ASTN1: variants seen among roughly 807,000 people sequenced by gnomAD.
ASTN1 encodes astrotactin-1.
In ASTN1, 41 loss-of-function variants were observed where a neutral mutation model predicts 140.7. That is an observed-to-expected ratio of 0.29 (90% CI 0.23 to 0.38). ASTN1 has a LOEUF of 0.38. Ranked by LOEUF, ASTN1 falls within the 10% of genes least tolerant of loss-of-function variation. The pLI, the probability that ASTN1 is intolerant of heterozygous loss-of-function variation, is 1.00. For synonymous variants in ASTN1, 640 were observed against 652.2 expected (o/e 0.98, Z 0.29); for missense variants, 1,479 against 1,678.8 (o/e 0.88, Z 2.08).
At chr1:176,978,629 G>A (rs1673470705) in intron 8 of ASTN1, among the ~76,000 whole-genome samples, 1 of 152,152 alleles carries the variant, frequency 6.6e-6, no homozygotes, top group African/African-American at 2.4e-5. Flanking sequence ...ATGTGTGTGG[G>A]GGTAAGGGGA....
intron 8 of ASTN1, among the ~76,000 whole-genome samples, chr1:176,975,592 C>T (rs1163387197): frequency 2.6e-5 from 4 of 152,236 alleles, no homozygotes; most frequent in African/African-American, 4.8e-5. Flanking sequence ...TACCTGTCCC[C>T]TTGCCTGTGT....
chr1:177,019,171 T>C (rs2101948081), intron 7 of ASTN1, among the ~76,000 whole-genome samples: 1 of 152,300 alleles, frequency 6.6e-6, no homozygotes, highest in South Asian at 2.1e-4. Flanking sequence ...GGTCATTAAC[T>C]AGGTAAGTGA....
chr1:177,024,383 C>A (rs570228466), intron 6 of ASTN1, among the ~76,000 whole-genome samples, 200 bp downstream of exon 6: 1 of 152,222 alleles, frequency 6.6e-6, no homozygotes, highest in South Asian at 2.1e-4. Context: ...AAGAGGTGAT[C>A]ACTTTAGTTT....
chr1:176,971,765 C>T (rs1673149502), intron 8 of ASTN1, among the ~76,000 whole-genome samples: 1 of 152,176 alleles, frequency 6.6e-6, no homozygotes, highest in Admixed American at 6.5e-5. Context: ...CATTACATAG[C>T]AGGTGCTCAA....
chr1:177,065,442 CAA>C (rs1429106668), intron 1 of ASTN1, among the ~76,000 whole-genome samples: 1 of 152,158 alleles, frequency 6.6e-6, no homozygotes, highest in African/African-American at 2.4e-5. Flanking sequence ...TCCCTATTCT[CAA>C]AGAGGTTTCA....
At chr1:176,986,605 G>A (rs1048749581) in intron 8 of ASTN1, among the ~76,000 whole-genome samples, 1 of 151,604 alleles carries the variant, frequency 6.6e-6, no homozygotes, top group Admixed American at 6.6e-5. Context: ...CCTTTTTCTT[G>A]TCACTCAGTA....
chr1:177,075,532 A>G (rs1678852044), intron 1 of ASTN1, among the ~76,000 whole-genome samples: 1 of 151,954 alleles, frequency 6.6e-6, no homozygotes, highest in African/African-American at 2.4e-5. Context: ...GGTTTTTTAT[A>G]ACAAGCTGAA....
rs112733345 is a variant in ASTN1, at chr1:177,117,047, C to T, written c.283+47347G>A. Among the ~76,000 whole-genome samples, 46 of 152,236 alleles carry T rather than the reference C, an allele frequency of 3.0e-4. 1 individual carries two copies. Among genetic ancestry groups the T allele is most frequent in the African/African-American group, 7.9e-4 (33 of 41,542 alleles). On this transcript the variant is annotated intron_variant, in intron 1 of 22. Transcript: ENST00000361833. ...AATTTTCTCTTAAAGTAGGTGTCTA[C>T]GTGCATTTTTCAAGGCACCTAAGAT...
intron 16 of ASTN1, among the ~76,000 whole-genome samples, chr1:176,931,975 G>A (rs974852441): frequency 6.6e-6 from 1 of 152,222 alleles, no homozygotes; most frequent in African/African-American, 2.4e-5. Flanking sequence ...TGTCGGGGCT[G>A]GAGAACTAGA....
intron 2 of ASTN1, 68 bp from the exon 3 acceptor site, chr1:177,032,917 CCTT>C: frequency 1.4e-6 from 2 of 1,452,014 alleles, no homozygotes; most frequent in Non-Finnish European, 1.8e-6. Flanking sequence ...AGTCACTGCT[CCTT>C]CTGCTACCAC....
At position 176,883,005 on chromosome 1, in the gene ASTN1, G is replaced by T. The variant is rs543398085; in HGVS notation, c.3227-11C>A. The stretch of plus-strand genomic sequence containing the variant: ...AGCTCAGCACTGTTTCTGCCCAGAG[G>T]AGAAGGAATGGAAAAAGCATGAGAA... On this transcript the variant is annotated splice_polypyrimidine_tract_variant and intron_variant, in intron 19 of 22. Transcript: ENST00000361833. The T allele has an allele frequency of 6.8e-6, 11 of 1,613,990 alleles. 1 individual carries two copies. The highest frequency in any genetic ancestry group is 1.7e-4 in the Middle Eastern group (1 of 6,038).
At chr1:176,867,018 C>T (rs1225657886) in intron 22 of ASTN1, among the ~76,000 whole-genome samples, 3 of 152,144 alleles carry the variant, frequency 2.0e-5, no homozygotes, top group Non-Finnish European at 2.9e-5. Context: ...TAATATATAG[C>T]CATGAAAGAC....
At chr1:176,989,938 C>T (rs1183652115) in intron 8 of ASTN1, among the ~76,000 whole-genome samples, 2 of 152,028 alleles carry the variant, frequency 1.3e-5, no homozygotes, top group Admixed American at 6.6e-5. Context: ...CGCCCTCCCC[C>T]TGCCCCCATC....
intron 1 of ASTN1, among the ~76,000 whole-genome samples, chr1:177,155,523 G>C (rs536906799): frequency 2.6e-5 from 4 of 152,168 alleles, no homozygotes; most frequent in African/African-American, 9.7e-5. Context: ...AAAGACAAAA[G>C]AAATTGTACA....
intron 1 of ASTN1, among the ~76,000 whole-genome samples, chr1:177,140,542 A>T (rs1300492437): frequency 6.6e-6 from 1 of 152,202 alleles, no homozygotes; most frequent in Non-Finnish European, 1.5e-5. Context: ...AAGCCTGGGT[A>T]CATTCTGTTA....
intron 22 of ASTN1, among the ~76,000 whole-genome samples, chr1:176,865,303 AG>A (rs1316536252): frequency 6.6e-6 from 1 of 152,214 alleles, no homozygotes; most frequent in East Asian, 1.9e-4. Context: ...CACACTGGAA[AG>A]GAGTGAACCC....
chr1:176,934,470 G>C, intron 15 of ASTN1, 130 bp from the exon 16 acceptor site: 1 of 861,478 alleles, frequency 1.2e-6, no homozygotes, highest in South Asian at 2.3e-5. Context: ...CTAGCTAGAA[G>C]TGTCTGGTGA....
Position 177,029,666 on chromosome 1 carries a change from G to C in ASTN1, c.1088C>G (p.Thr363Arg). 1.2e-6 allele frequency: 2 copies of C among 1,613,794 alleles called. No homozygotes were observed. Among genetic ancestry groups the C allele is most frequent in the Non-Finnish European group, 1.7e-6 (2 of 1,179,926 alleles). The change falls in exon 5 of 23, where the codon ACG becomes AGG. Residue 363 changes from threonine to arginine, a missense_variant. Around this residue, in one of 3 missense-constraint regions of ASTN1, gnomAD observed 729 missense variants for 860.4 expected, o/e 0.85. Transcript: ENST00000361833. ...ACGCCTCCTGCTCCTTGAAGGATCC[G>C]TGTAAAAGGTCAGCTGGGGGTCGTT... ...AENDPQLTFY[T>R]DPSRSRRRSR...
At chr1:176,934,492 T>C (rs1055994982) in intron 15 of ASTN1, 152 bp from the exon 16 acceptor site, 2 of 722,790 alleles carry the variant, frequency 2.8e-6, no homozygotes, top group East Asian at 5.6e-5. Flanking sequence ...TGTTTCCATT[T>C]AGCTAAATGA....
Sources: allele counts gnomAD v4.1 joint callset (sites outside exome capture counted in the v4.1 genomes callset), GRCh38; gene constraint gnomAD v4.1.1; regional missense constraint gnomAD v4.1.1; transcripts MANE v1.5; gene names NCBI Gene and HGNC (gene_info 2026-07-23, HGNC 2026-07-21).